POU6F2: variants seen among roughly 807,000 people sequenced by gnomAD.
POU6F2 encodes the protein POU domain, class 6, transcription factor 2.
A neutral mutation model predicts 71.3 loss-of-function variants in POU6F2; 31 were observed. That is an observed-to-expected ratio of 0.43 (90% CI 0.33 to 0.59). POU6F2 has a LOEUF of 0.59. Among genes scored for constraint, POU6F2 ranks in the 20% least tolerant of loss-of-function variants. The pLI is 0.04. For missense variants in POU6F2, 783 were observed against 856.8 expected, an observed-to-expected ratio of 0.91 and a Z score of 1.07; for synonymous variants, 347 against 355.7, an observed-to-expected ratio of 0.98 and a Z score of 0.27.
At chr7:39,328,405 T>C (rs985925202) in intron 4 of POU6F2, among the ~76,000 whole-genome samples, 10 of 152,220 alleles carry the variant, frequency 6.6e-5, no homozygotes, top group African/African-American at 2.4e-4. Context: ...TTTCTTAATC[T>C]ATCGGGAACA....
chr7:39,260,021 C>T (rs1369018747), intron 4 of POU6F2, among the ~76,000 whole-genome samples: 4 of 148,876 alleles, frequency 2.7e-5, no homozygotes, highest in African/African-American at 5.0e-5. Context: ...CCATACCATG[C>T]TCACACCACA....
At chr7:39,289,465 C>T (rs114436380) in intron 4 of POU6F2, among the ~76,000 whole-genome samples, 1,951 of 152,174 alleles carry the variant, frequency 0.013, 37 homozygotes, top group African/African-American at 0.044. Flanking sequence ...TACCTAAAAG[C>T]GGGACTTCAT....
At chr7:39,104,388 A>G (rs1166716156) in intron 2 of POU6F2, among the ~76,000 whole-genome samples, 1 of 152,196 alleles carries the variant, frequency 6.6e-6, no homozygotes, top group African/African-American at 2.4e-5. Context: ...GGCTAGAATC[A>G]TTTGAAGTCT....
In POU6F2 at chr7:39,466,589, C is replaced by T. The variant is rs1466572252; in HGVS notation, c.*1903C>T. On this transcript the variant is annotated 3_prime_UTR_variant, in exon 10 of 10. Coordinates refer to ENST00000518318, the MANE Select transcript of POU6F2 (RefSeq NM_001370959.1). ...CCCAACTGATTAGAAATGCCATCTC[C>T]TTCCCCTAATACACTCCCTCTCCCT... 1.3e-5 allele frequency: 2 copies of T among 152,232 alleles called. No homozygotes were observed. The highest frequency in any genetic ancestry group is 2.4e-5 in the African/African-American group (1 of 41,454). 9.4% of individuals were successfully genotyped at this position (152,232 alleles called of 1,614,324 possible).
At chr7:39,207,683 G>A (rs1405014006) in intron 4 of POU6F2, 63 bp downstream of exon 4, 29 of 1,449,022 alleles carry the variant, frequency 2.0e-5, no homozygotes, top group Admixed American at 6.6e-5. Flanking sequence ...CTCTGAAGTG[G>A]GCAAAAAAAA....
intron 2 of POU6F2, among the ~76,000 whole-genome samples, chr7:39,097,983 A>G (rs1382697898): frequency 1.3e-5 from 2 of 152,222 alleles, no homozygotes; most frequent in Admixed American, 1.3e-4. Context: ...GGAAGAAGAA[A>G]GGAGTATTAA....
chr7:39,076,690 T>G (rs970527720), intron 1 of POU6F2, among the ~76,000 whole-genome samples: 13 of 152,170 alleles, frequency 8.5e-5, no homozygotes, highest in Admixed American at 2.0e-4. Flanking sequence ...GGAGCCAATA[T>G]GGTCTCAAAA....
At chr7:39,235,192 ATCT>A (rs1453474861) in intron 4 of POU6F2, among the ~76,000 whole-genome samples, 1 of 152,112 alleles carries the variant, frequency 6.6e-6, no homozygotes, top group Non-Finnish European at 1.5e-5. Flanking sequence ...TCACATGCTC[ATCT>A]TCTTAGTAGC....
intron 7 of POU6F2, among the ~76,000 whole-genome samples, chr7:39,442,705 A>G (rs1583607849): frequency 1.3e-5 from 2 of 152,162 alleles, no homozygotes; most frequent in South Asian, 2.1e-4. Context: ...TGGTCCAACT[A>G]TGTTCAAAAT....
intron 4 of POU6F2, among the ~76,000 whole-genome samples, chr7:39,288,064 T>G (rs1477920162): frequency 6.6e-6 from 1 of 152,210 alleles, no homozygotes; most frequent in African/African-American, 2.4e-5. Context: ...TTTGCCTAAA[T>G]AAGATCAAAG....
At chr7:39,174,786 G>C (rs893648642) in intron 2 of POU6F2, among the ~76,000 whole-genome samples, 1 of 152,062 alleles carries the variant, frequency 6.6e-6, no homozygotes, top group Non-Finnish European at 1.5e-5. Context: ...ATCCTCTCCA[G>C]TTGCCTGATC....
intron 3 of POU6F2, among the ~76,000 whole-genome samples, chr7:39,207,161 A>G (rs546244919): frequency 1.3e-5 from 2 of 152,346 alleles, no homozygotes. Flanking sequence ...TTGTAAAGAT[A>G]TTTGAGTTCC....
chr7:39,420,076 T>A (rs1787817700), intron 6 of POU6F2, among the ~76,000 whole-genome samples: 2 of 152,204 alleles, frequency 1.3e-5, no homozygotes, highest in South Asian at 4.1e-4. Flanking sequence ...TCAGTAAATC[T>A]GCAAGTAATG....
chr7:39,147,951 T>C (rs2128733350), intron 2 of POU6F2, among the ~76,000 whole-genome samples: 1 of 152,338 alleles, frequency 6.6e-6, no homozygotes, highest in South Asian at 2.1e-4. Flanking sequence ...TCTTCTAAAG[T>C]AGTTTTTAAA....
chr7:39,121,038 TGTAA>T (rs1488377879), intron 2 of POU6F2: 1 of 152,228 alleles, frequency 6.6e-6, no homozygotes, highest in East Asian at 1.9e-4. Flanking sequence ...ATATATCATA[TGTAA>T]GTAAGGGTGA....
At chr7:39,242,874 C>T (rs1783752506) in intron 4 of POU6F2, among the ~76,000 whole-genome samples, 1 of 152,156 alleles carries the variant, frequency 6.6e-6, no homozygotes, top group Non-Finnish European at 1.5e-5. Flanking sequence ...TTCTAGTTCT[C>T]TCCTCTACCC....
intron 2 of POU6F2, among the ~76,000 whole-genome samples, chr7:39,120,496 CAT>C (rs1251690330): frequency 6.6e-6 from 1 of 152,098 alleles, no homozygotes; most frequent in Non-Finnish European, 1.5e-5. Flanking sequence ...AGCAATGAAA[CAT>C]ACTGATTTTC....
intron 5 of POU6F2, among the ~76,000 whole-genome samples, chr7:39,358,535 C>T (rs1786305702): frequency 6.6e-6 from 1 of 152,194 alleles, no homozygotes; most frequent in South Asian, 2.1e-4. Flanking sequence ...GTCCTGGATG[C>T]AGCCAGTGAT....
intron 1 of POU6F2, among the ~76,000 whole-genome samples, chr7:38,984,627 G>C (rs1441425200): frequency 6.6e-6 from 1 of 152,140 alleles, no homozygotes; most frequent in African/African-American, 2.4e-5. Context: ...CACAGTGCTT[G>C]TGCTGTACAC....
Sources: allele counts gnomAD v4.1 joint callset (sites outside exome capture counted in the v4.1 genomes callset), GRCh38; gene constraint gnomAD v4.1.1; transcripts MANE v1.5; gene names NCBI Gene and HGNC (gene_info 2026-07-23, HGNC 2026-07-21).